GALNT13: variants seen among roughly 807,000 people sequenced by gnomAD.
GALNT13 encodes UDP-GalNAc:polypeptide N-acetylgalactosaminyltransferase 13.
A neutral mutation model predicts 64.2 loss-of-function variants in GALNT13; 28 were observed. The observed-to-expected ratio is 0.44, with a 90% CI of 0.32 to 0.60. GALNT13 has a LOEUF of 0.60. GALNT13 is among the 20% of genes least tolerant of loss of function. The pLI is 0.05. For synonymous variants in GALNT13, 214 were observed against 224.6 expected (o/e 0.95, Z 0.42); for missense variants, 577 against 669.8 (o/e 0.86, Z 1.53).
At chr2:154,273,210 G>T (rs986757306) in intron 8 of GALNT13, among the ~76,000 whole-genome samples, 3 of 151,982 alleles carry the variant, frequency 2.0e-5, no homozygotes, top group Non-Finnish European at 4.4e-5. Context: ...GAGGATGAAG[G>T]GTAGAGAACT....
At chr2:153,807,769 G>A in the GALNT13 span, among the ~76,000 whole-genome samples, 1 of 151,944 alleles carries the variant, frequency 6.6e-6, no homozygotes, top group Non-Finnish European at 1.5e-5. Context: ...GTCTTGAGAC[G>A]CTGGGATTAT....
chr2:153,658,993 A>G, the GALNT13 span, among the ~76,000 whole-genome samples: 1 of 152,150 alleles, frequency 6.6e-6, no homozygotes, highest in Non-Finnish European at 1.5e-5. Flanking sequence ...GCATGAAAAA[A>G]TAATTGAATT....
At chr2:154,410,897 T>C (rs922082176) in intron 11 of GALNT13, among the ~76,000 whole-genome samples, 1 of 151,942 alleles carries the variant, frequency 6.6e-6, no homozygotes, top group African/African-American at 2.4e-5. Context: ...ATATTAAAAA[T>C]TACTTTATTC....
the GALNT13 span, among the ~76,000 whole-genome samples, chr2:153,231,586 T>TTAACAGAA: frequency 6.6e-6 from 1 of 152,228 alleles, no homozygotes; most frequent in Non-Finnish European, 1.5e-5. Context: ...TATCCTTCAG[T>TTAACAGAA]TAACAGAATA....
the GALNT13 span, among the ~76,000 whole-genome samples, chr2:153,595,293 C>CCA: frequency 6.7e-6 from 1 of 148,708 alleles, no homozygotes; most frequent in African/African-American, 2.5e-5. Context: ...ATAATAGAGA[C>CCA]CACGTGCCAA....
chr2:153,379,631 A>C, the GALNT13 span, among the ~76,000 whole-genome samples: 1 of 152,152 alleles, frequency 6.6e-6, no homozygotes, highest in Non-Finnish European at 1.5e-5. Flanking sequence ...AGAAGTTGGG[A>C]CTGATTTAGA....
chr2:153,622,223 C>CAT, the GALNT13 span, among the ~76,000 whole-genome samples: 1 of 152,016 alleles, frequency 6.6e-6, no homozygotes, highest in Non-Finnish European at 1.5e-5. Flanking sequence ...CTAACACACA[C>CAT]ACATACATAC....
At chr2:154,049,690 A>G (rs1220733554) in intron 3 of GALNT13, among the ~76,000 whole-genome samples, 4 of 151,732 alleles carry the variant, frequency 2.6e-5, no homozygotes, top group Admixed American at 1.3e-4. Context: ...CACATACTTA[A>G]TAGTTACCAC....
the GALNT13 span, among the ~76,000 whole-genome samples, chr2:153,605,907 G>A: frequency 1.3e-5 from 2 of 152,114 alleles, no homozygotes; most frequent in Non-Finnish European, 2.9e-5. Flanking sequence ...CGCAGTGTCT[G>A]CTGTGGACAT....
intron 3 of GALNT13, among the ~76,000 whole-genome samples, chr2:154,113,879 G>C (rs1358327516): frequency 6.6e-6 from 1 of 152,210 alleles, no homozygotes; most frequent in Non-Finnish European, 1.5e-5. Flanking sequence ...GGACAGGAAT[G>C]GAGAAGAATG....
intron 3 of GALNT13, among the ~76,000 whole-genome samples, chr2:154,018,225 T>C (rs1345774462): frequency 6.6e-6 from 1 of 152,240 alleles, no homozygotes; most frequent in African/African-American, 2.4e-5. Context: ...TCCATTTGTT[T>C]TGTTACTATT....
the GALNT13 span, among the ~76,000 whole-genome samples, chr2:153,540,910 T>C: frequency 7.2e-5 from 11 of 152,230 alleles, no homozygotes; most frequent in Admixed American, 1.3e-4. Flanking sequence ...GGACTTGCCT[T>C]GTCTCAGATG....
chr2:153,088,453 A>G, the GALNT13 span, among the ~76,000 whole-genome samples: 1 of 152,052 alleles, frequency 6.6e-6, no homozygotes, highest in South Asian at 2.1e-4. Context: ...GTTGGGTAAA[A>G]TGTTCTGTAG....
At chr2:154,130,294 A>G (rs920674436) in intron 3 of GALNT13, among the ~76,000 whole-genome samples, 1 of 152,052 alleles carries the variant, frequency 6.6e-6, no homozygotes, top group Non-Finnish European at 1.5e-5. Context: ...AGTCAAAGGG[A>G]AAGGGACCCT....
chr2:154,038,923 T>C (rs1574390937), intron 3 of GALNT13, among the ~76,000 whole-genome samples: 1 of 152,096 alleles, frequency 6.6e-6, no homozygotes, highest in East Asian at 1.9e-4. Context: ...CCCAAACAAA[T>C]GATTCTATTA....
chr2:153,972,936 T>A (rs57664552), intron 3 of GALNT13, among the ~76,000 whole-genome samples: 22 of 152,194 alleles, frequency 1.4e-4, no homozygotes, highest in African/African-American at 4.8e-4. Flanking sequence ...ATAAAGGTAG[T>A]CATTGAGTTT....
In GALNT13 at chr2:154,263,640, G is replaced by T. The variant is rs942561950; in HGVS notation, c.975+4502G>T. On this transcript the variant is annotated intron_variant, in intron 8 of 12. Transcript: ENST00000392825. Reference sequence around the variant, plus strand: ...ATATATTAAATTTTAAAAAGGAAAAGAAAAACCACACACAAAAAAATACTT... The same window carrying T: ...ATATATTAAATTTTAAAAAGGAAAATAAAAACCACACACAAAAAAATACTT... Among the ~76,000 whole-genome samples the T allele has an allele frequency of 2.0e-5, 3 of 151,990 alleles. No homozygotes were observed. The East Asian group carries it at 5.8e-4, about 29-fold the overall frequency.
the GALNT13 span, among the ~76,000 whole-genome samples, chr2:153,681,891 G>A: frequency 2.0e-5 from 3 of 151,780 alleles, no homozygotes; most frequent in East Asian, 3.9e-4. Flanking sequence ...ACAGAAATAC[G>A]CACAAGAAAT....
intron 4 of GALNT13, among the ~76,000 whole-genome samples, chr2:154,160,622 C>CATT (rs1429060159): frequency 1.3e-5 from 2 of 151,808 alleles, no homozygotes; most frequent in Non-Finnish European, 1.5e-5. Flanking sequence ...TAACCCAAGG[C>CATT]ATTACTTCAG....
Sources: allele counts gnomAD v4.1 joint callset (sites outside exome capture counted in the v4.1 genomes callset), GRCh38; gene constraint gnomAD v4.1.1; transcripts MANE v1.5; gene names NCBI Gene and HGNC (gene_info 2026-07-23, HGNC 2026-07-21).